The following FARP1 variants were observed in gnomAD, a reference collection of about 807,000 sequenced individuals.
FARP1 encodes FERM, ARHGEF and pleckstrin domain-containing protein 1.
Under a neutral mutation model 128.8 loss-of-function variants are expected in FARP1, and 52 were observed. The ratio of observed to expected loss-of-function variants is 0.40; its 90% CI spans 0.32 to 0.51. The LOEUF (loss-of-function observed/expected upper bound fraction) is 0.51, where lower values mean the gene tolerates loss of function less well. Among genes scored for constraint, FARP1 ranks in the 20% least tolerant of loss-of-function variants. The pLI is 0.45. For synonymous variants in FARP1, 580 were observed against 551.8 expected (o/e 1.05, Z -0.72); for missense variants, 1,333 against 1,367.9 (o/e 0.97, Z 0.40).
intron 2 of FARP1, among the ~76,000 whole-genome samples, chr13:98,305,509 T>G (rs1886106830): frequency 6.6e-6 from 1 of 152,166 alleles, no homozygotes; most frequent in African/African-American, 2.4e-5. Context: ...AACTTTTGTA[T>G]TTTTAGTAGA....
chr13:98,286,728 G>A (rs146756935), intron 2 of FARP1, among the ~76,000 whole-genome samples: 8 of 152,220 alleles, frequency 5.3e-5, no homozygotes, highest in South Asian at 2.1e-4. Context: ...ATTGATTACC[G>A]ATGGACTCAT....
chr13:98,177,383 AC>A, intron 1 of FARP1: 1 of 590,196 alleles, frequency 1.7e-6, no homozygotes, highest in Non-Finnish European at 2.8e-6. Context: ...GCGGTGACTC[AC>A]TCTTGTAATC....
At chr13:98,336,112 G>T (rs1455445288) in intron 2 of FARP1, among the ~76,000 whole-genome samples, 3 of 152,180 alleles carry the variant, frequency 2.0e-5, no homozygotes, top group Admixed American at 1.3e-4. Context: ...TAGGGAGAGG[G>T]AGAATATACT....
At chr13:98,288,216 A>G (rs1474455527) in intron 2 of FARP1, among the ~76,000 whole-genome samples, 2 of 152,192 alleles carry the variant, frequency 1.3e-5, no homozygotes, top group South Asian at 2.1e-4. Context: ...AAGTAGCACA[A>G]TAAAGACTGA....
intron 2 of FARP1, among the ~76,000 whole-genome samples, chr13:98,320,911 T>C (rs555710790): frequency 1.3e-5 from 2 of 152,280 alleles, no homozygotes; most frequent in Admixed American, 6.5e-5. Flanking sequence ...GAAATCTAAA[T>C]GTAAAACTGG....
At chr13:98,331,191 T>C (rs764246391) in intron 2 of FARP1, among the ~76,000 whole-genome samples, 25 of 152,342 alleles carry the variant, frequency 1.6e-4, no homozygotes, top group Non-Finnish European at 2.9e-4. Context: ...TCATAATCTT[T>C]TAGTCCTTCT....
At chr13:98,336,749 T>C (rs1344976316) in intron 2 of FARP1, among the ~76,000 whole-genome samples, 2 of 152,130 alleles carry the variant, frequency 1.3e-5, no homozygotes, top group African/African-American at 4.8e-5. Flanking sequence ...AAAAGCCAAT[T>C]GAGGATGGAG....
intron 4 of FARP1, among the ~76,000 whole-genome samples, chr13:98,367,316 C>T (rs1889129758): frequency 6.6e-6 from 1 of 152,178 alleles, no homozygotes; most frequent in Non-Finnish European, 1.5e-5. Flanking sequence ...GCCACCACGC[C>T]TGACTAATTT....
intron 1 of FARP1, among the ~76,000 whole-genome samples, chr13:98,179,293 A>G (rs1566707383): frequency 6.6e-6 from 1 of 152,182 alleles, no homozygotes; most frequent in Admixed American, 6.5e-5. Context: ...CACTACCACA[A>G]GAACAGTATG....
intron 2 of FARP1, among the ~76,000 whole-genome samples, chr13:98,282,949 C>A (rs1240177040): frequency 6.6e-6 from 1 of 152,136 alleles, no homozygotes; most frequent in East Asian, 1.9e-4. Flanking sequence ...TCTCTCCTGT[C>A]AAATGCTTTA....
intron 1 of FARP1, among the ~76,000 whole-genome samples, chr13:98,151,296 G>A (rs1199205529): frequency 6.6e-6 from 1 of 152,204 alleles, no homozygotes; most frequent in Non-Finnish European, 1.5e-5. Context: ...AACACAGAGT[G>A]TATGTAGGGT....
chr13:98,444,570 A>G (rs371777200), intron 24 of FARP1, among the ~76,000 whole-genome samples: 13 of 152,336 alleles, frequency 8.5e-5, no homozygotes, highest in African/African-American at 3.1e-4. Flanking sequence ...GCTGGAGGCC[A>G]GGATGGACCC....
At chr13:98,148,821 G>C (rs933295863) in intron 1 of FARP1, among the ~76,000 whole-genome samples, 1 of 151,544 alleles carries the variant, frequency 6.6e-6, no homozygotes, top group African/African-American at 2.4e-5. Flanking sequence ...TTTCTCTCTG[G>C]CTACTTTTAA....
intron 3 of FARP1, among the ~76,000 whole-genome samples, chr13:98,344,130 G>C (rs1448520319): frequency 6.6e-6 from 1 of 152,164 alleles, no homozygotes; most frequent in Non-Finnish European, 1.5e-5. Flanking sequence ...TGTTTGAGAA[G>C]CTGTTAATGC....
chr13:98,411,787 C>A, intron 15 of FARP1, 114 bp from the exon 16 acceptor site: 1 of 1,140,838 alleles, frequency 8.8e-7, no homozygotes, highest in Non-Finnish European at 1.3e-6. Context: ...AAGAACCTCG[C>A]AGGAAAGCCC....
In FARP1 at chr13:98,448,428, G is replaced by T. The variant is rs1892998802; in HGVS notation, c.*111G>T. 1 of 896,288 alleles carries T rather than the reference G, an allele frequency of 1.1e-6. No homozygotes were observed. The highest frequency in any genetic ancestry group is 1.8e-6 in the Non-Finnish European group (1 of 548,804). 55.5% of individuals were successfully genotyped at this position (896,288 alleles called of 1,614,324 possible). On this transcript the variant is annotated 3_prime_UTR_variant, in exon 27 of 27. Coordinates refer to ENST00000319562, the MANE Select transcript of FARP1 (RefSeq NM_005766.4). ...CACCTGTCTGAAAATCAAAAACATG[G>T]CTTCCCAGCAGCTCTCCTGTCTCCA...
intron 1 of FARP1, among the ~76,000 whole-genome samples, chr13:98,190,721 C>T (rs865947056): frequency 1.4e-5 from 2 of 143,816 alleles, no homozygotes; most frequent in Middle Eastern, 6.9e-3. Flanking sequence ...GCCACCATGC[C>T]CAGCTTTTTA....
intron 2 of FARP1, among the ~76,000 whole-genome samples, chr13:98,326,233 A>G (rs1013842367): frequency 6.6e-6 from 1 of 152,188 alleles, no homozygotes; most frequent in African/African-American, 2.4e-5. Context: ...CTGGCCTATA[A>G]TATCGTTCTG....
At chr13:98,380,635 T>C (rs1889857560) in intron 6 of FARP1, among the ~76,000 whole-genome samples, 1 of 152,128 alleles carries the variant, frequency 6.6e-6, no homozygotes, top group South Asian at 2.1e-4. Context: ...GCGTAGTCTC[T>C]CAATCATGGC....
Sources: gnomAD v4.1 joint callset for allele counts (sites outside exome capture counted in the v4.1 genomes callset) on GRCh38, gnomAD v4.1.1 for gene constraint, MANE v1.5 for transcripts, NCBI Gene and HGNC (gene_info 2026-07-23, HGNC 2026-07-21) for gene names.